The following GCNA variants were observed in gnomAD, a reference collection of about 807,000 sequenced individuals.
The protein encoded by GCNA is germ cell nuclear acidic peptidase, also known as germ cell nuclear acidic protein.
In GCNA, 3 loss-of-function variants were observed where a neutral mutation model predicts 38.8. The observed-to-expected ratio is 0.08, with a 90% CI of 0.04 to 0.20. The LOEUF (loss-of-function observed/expected upper bound fraction) is 0.20. Among genes scored for constraint, GCNA ranks in the 10% least tolerant of loss-of-function variants. GCNA has a pLI of 1.00. For synonymous variants in GCNA, 195 were observed against 240.2 expected (o/e 0.81, Z 1.74); for missense variants, 446 against 578.6 (o/e 0.77, Z 2.35).
intron 9 of GCNA, among the ~76,000 whole-genome samples, chrX:71,608,433 C>T (rs186759317): frequency 9.0e-6 from 1 of 111,028 alleles, no homozygotes; most frequent in Non-Finnish European, 1.9e-5. Flanking sequence ...CCATCACGCC[C>T]AGCTAATTTT....
rs1473932640 is a variant in GCNA at position 71,612,256 on chromosome X, C to T, written c.1751-99C>T. 9.0e-5 allele frequency: 63 copies of T among 701,427 alleles called. No homozygotes were observed. In the East Asian group the frequency reaches 1.5e-3, roughly 17 times the overall value. The allele number at this position is 701,427 out of a possible 1,213,427, so 57.8% of individuals were successfully genotyped here. A position where few individuals can be genotyped will look rare whatever the true frequency, so the allele number is the denominator to read the frequency against. On this transcript the variant is annotated intron_variant, in intron 11 of 12. Transcript: ENST00000373696. The stretch of plus-strand genomic sequence containing the variant: ...TCATGCCATTACACTCCAGCCTGGG[C>T]GACAAAGCAAGACTATCTCAAAAAA...
intron 11 of GCNA, 98 bp from the exon 12 acceptor site, chrX:71,612,257 G>A (rs2147735459): frequency 8.6e-6 from 6 of 701,260 alleles, no homozygotes; most frequent in South Asian, 3.1e-5. Context: ...CAGCCTGGGC[G>A]ACAAAGCAAG....
At chrX:71,588,209 T>C (rs1451331424) in intron 2 of GCNA, among the ~76,000 whole-genome samples, 1 of 112,014 alleles carries the variant, frequency 8.9e-6, no homozygotes, top group Non-Finnish European at 1.9e-5. Flanking sequence ...TCTTTTTTTC[T>C]TTTTTGTAGC....
intron 10 of GCNA, among the ~76,000 whole-genome samples, chrX:71,609,687 G>A (rs1213879726): frequency 8.9e-6 from 1 of 111,838 alleles, no homozygotes; most frequent in Non-Finnish European, 1.9e-5. Flanking sequence ...GGATACCAGA[G>A]GGCCTTGGGA....
At chrX:71,612,765 GAA>G in intron 12 of GCNA, 95 bp from the exon 13 acceptor site, 1 of 1,136,078 alleles carries the variant, frequency 8.8e-7, no homozygotes, top group South Asian at 2.0e-5. Context: ...ACAACCCAGA[GAA>G]AAGTATTGCT....
intron 2 of GCNA, among the ~76,000 whole-genome samples, chrX:71,582,102 C>T (rs187093523): frequency 1.6e-3 from 169 of 108,211 alleles, no homozygotes; most frequent in African/African-American, 4.7e-3. Flanking sequence ...GATGAAATTC[C>T]GCCTCTACAA....
At chrX:71,585,351 T>TGGAGCA (rs1231410503) in intron 2 of GCNA, among the ~76,000 whole-genome samples, 2 of 110,105 alleles carry the variant, frequency 1.8e-5, no homozygotes, top group Non-Finnish European at 3.8e-5. Context: ...AAAGGTCAAA[T>TGGAGCA]TGCAGCTCCA....
At chrX:71,584,639 C>T (rs1050848106) in intron 2 of GCNA, among the ~76,000 whole-genome samples, 5 of 111,012 alleles carry the variant, frequency 4.5e-5, no homozygotes, top group Non-Finnish European at 9.5e-5. Flanking sequence ...CCGAGGCGGG[C>T]GGATCACGAG....
intron 7 of GCNA, among the ~76,000 whole-genome samples, chrX:71,600,353 C>T (rs6624562): frequency 0.16 from 18,011 of 111,226 alleles, 1,350 homozygotes; most frequent in East Asian, 0.47. Flanking sequence ...CATTTACTAT[C>T]TTTGTAATTT....
intron 2 of GCNA, among the ~76,000 whole-genome samples, chrX:71,590,074 G>A (rs1275697891): frequency 9.0e-6 from 1 of 111,395 alleles, no homozygotes; most frequent in Non-Finnish European, 1.9e-5. Context: ...AGCCACCTGC[G>A]TATATTTTCT....
Position 71,593,932 on chromosome X carries a change from C to T in GCNA, c.141-399C>T, listed in dbSNP as rs1168613679. 6.3e-5 allele frequency among the ~76,000 whole-genome samples: 7 copies of T among 110,897 alleles called. No individual in the cohort carries two copies. The East Asian group carries it at 1.4e-3, about 22-fold the overall frequency. ...GTGGCACCATCATAGCTCACTGCAA[C>T]CTTGAATTCCTGGGCTCAAGCAATC... On this transcript the variant is annotated intron_variant, in intron 4 of 12. Coordinates refer to ENST00000373696, the MANE Select transcript of GCNA (RefSeq NM_052957.5).
intron 4 of GCNA, among the ~76,000 whole-genome samples, chrX:71,593,124 C>T (rs2040642799): frequency 9.0e-6 from 1 of 111,568 alleles, no homozygotes; most frequent in Non-Finnish European, 1.9e-5. Flanking sequence ...GAACTCCTGA[C>T]CTCAAGTGAT....
intron 1 of GCNA, 113 bp from the exon 2 acceptor site, chrX:71,580,707 A>G: frequency 1.6e-6 from 1 of 620,828 alleles, no homozygotes; most frequent in Non-Finnish European, 2.5e-6. Flanking sequence ...ATCTCATGAC[A>G]TTGTGATCTG....
intron 9 of GCNA, among the ~76,000 whole-genome samples, chrX:71,608,286 T>A (rs776320282): frequency 4.5e-5 from 5 of 112,198 alleles, no homozygotes; most frequent in African/African-American, 1.6e-4. Context: ...TTTGTTTTAT[T>A]TTTTGAGACA....
At chrX:71,605,761 A>G in intron 9 of GCNA, 32 bp downstream of exon 9, 3 of 1,161,150 alleles carry the variant, frequency 2.6e-6, no homozygotes, top group South Asian at 3.8e-5. Context: ...TTGAACAGGA[A>G]TTTATTGCAC....
At chrX:71,579,679 T>G (rs1602164239) in intron 1 of GCNA, among the ~76,000 whole-genome samples, 2 of 90,117 alleles carry the variant, frequency 2.2e-5, no homozygotes, top group Admixed American at 1.2e-4. Flanking sequence ...GAGACAGGAG[T>G]GGGGTAGGGC....
chrX:71,588,202 T>C lies in GCNA; in HGVS notation c.60-3920T>C, dbSNP rs902988055. Among the ~76,000 whole-genome samples, 6 of 112,044 alleles carry C rather than the reference T, an allele frequency of 5.4e-5. No individual in the cohort carries two copies. In the Admixed American group the frequency reaches 5.7e-4, roughly 11 times the overall value. On this transcript the variant is annotated intron_variant, in intron 2 of 12. Coordinates refer to ENST00000373696, the MANE Select transcript of GCNA (RefSeq NM_052957.5). ...CTGTGAGATCCCTAGAAGTCATTCT[T>C]TTTTTCTTTTTTGTAGCCCCAGTAC... is the stretch of plus-strand genomic sequence containing the variant.
chrX:71,580,467 T>G (rs1451050734), intron 1 of GCNA: 1 of 124,871 alleles, frequency 8.0e-6, no homozygotes, highest in Non-Finnish European at 1.6e-5. Context: ...TCTTTTTATT[T>G]TATTTTCTTT....
intron 2 of GCNA, among the ~76,000 whole-genome samples, chrX:71,583,503 C>T (rs774308579): frequency 5.5e-5 from 6 of 109,987 alleles, no homozygotes; most frequent in South Asian, 3.9e-4. Flanking sequence ...AAAAGAATGA[C>T]GCCAACATTG....
Sources: gnomAD v4.1 joint callset for allele counts (sites outside exome capture counted in the v4.1 genomes callset) on GRCh38, gnomAD v4.1.1 for gene constraint, MANE v1.5 for transcripts, NCBI Gene and HGNC (gene_info 2026-07-23, HGNC 2026-07-21) for gene names.